The following ARL2BP variants were observed in gnomAD, a reference collection of about 807,000 sequenced individuals.
ARL2BP encodes ADP-ribosylation factor-like protein 2-binding protein.
A neutral mutation model predicts 24.2 loss-of-function variants in ARL2BP; 19 were observed. The observed-to-expected ratio is 0.79, with a 90% CI of 0.55 to 1.15. ARL2BP has a LOEUF of 1.15. Ranked by LOEUF, ARL2BP falls within the 50% of genes most tolerant of loss-of-function variation. The pLI is 0.00. For missense variants in ARL2BP, 160 were observed against 190.4 expected (o/e 0.84, Z 0.94); for synonymous variants, 56 against 70.5 (o/e 0.79, Z 1.03).
chr16:57,246,262 A>G (rs2075390205), intron 2 of ARL2BP, 121 bp downstream of exon 2: 8 of 907,124 alleles, frequency 8.8e-6, no homozygotes, highest in African/African-American at 5.0e-5. Context: ...TTAATGTAGC[A>G]CAATGTAATA....
intron 2 of ARL2BP, chr16:57,248,311 CAAAAAAA>C (rs1161528446): frequency 0.017 from 854 of 49,220 alleles, 3 homozygotes; most frequent in African/African-American, 0.034. Flanking sequence ...AACTCCAGCT[CAAAAAAA>C]AAAAAAAAAA....
rs1597951130 is a variant in ARL2BP at position 57,245,309 on chromosome 16, C to G, written c.-59C>G. ...AGAGGCCTTAACCCCGCCGGGCGGC[C>G]GCGCCCTGCATGCGAGTTGGGCCGC... On this transcript the variant is annotated 5_prime_UTR_variant, in exon 1 of 6. Coordinates refer to ENST00000219204, the MANE Select transcript of ARL2BP (RefSeq NM_012106.4). 6 of 1,575,120 alleles carry G rather than the reference C, an allele frequency of 3.8e-6. No homozygotes were observed. Among genetic ancestry groups the G allele is most frequent in the Middle Eastern group, 4.0e-4 (2 of 4,980 alleles).
chr16:57,245,296 C>T lies in ARL2BP; in HGVS notation c.-72C>T. 6.4e-7 allele frequency: 1 copy of T among 1,557,220 alleles called. No homozygotes were observed. The highest frequency in any genetic ancestry group is 8.7e-7 in the Non-Finnish European group (1 of 1,149,264). On this transcript the variant is annotated 5_prime_UTR_variant, in exon 1 of 6. Transcript: ENST00000219204. ...GCGGCCTTGGCTGAGAGGCCTTAAC[C>T]CCGCCGGGCGGCCGCGCCCTGCATG...
chr16:57,246,471 TA>T (rs2075390773), intron 2 of ARL2BP: 1 of 218,440 alleles, frequency 4.6e-6, no homozygotes, highest in African/African-American at 2.3e-5. Flanking sequence ...ATTTCAATTT[TA>T]GATAGTTTTG....
chr16:57,248,629 A>G lies in ARL2BP; in HGVS notation c.193A>G (p.Ile65Val). 6.3e-7 allele frequency: 1 copy of G among 1,576,578 alleles called. No individual in the cohort carries two copies. The highest frequency in any genetic ancestry group is 2.3e-5 in the East Asian group (1 of 43,502). Residue 65 changes from isoleucine to valine, a missense_variant, in exon 3 of 6, where the codon ATT becomes GTT. By Grantham distance (29) the Ile-to-Val change is conservative (BLOSUM62 3). Coordinates refer to ENST00000219204, the MANE Select transcript of ARL2BP (RefSeq NM_012106.4). ...TEENKLIYTP[I>V]FNEYISLVEK... Reference sequence around the variant, plus strand: ...AGAGAATAAACTCATCTACACACCTATTTTTAATGAATACGTAAGTAGATT... The same window carrying G: ...AGAGAATAAACTCATCTACACACCTGTTTTTAATGAATACGTAAGTAGATT...
chr16:57,253,488 T>C lies in ARL2BP; in HGVS notation c.*1221T>C, dbSNP rs1170091537. 6.6e-6 allele frequency: 1 copy of C among 152,042 alleles called. No homozygotes were observed. Among genetic ancestry groups the C allele is most frequent in the Non-Finnish European group, 1.5e-5 (1 of 68,006 alleles). The allele number at this position is 152,042 out of a possible 1,614,324, so 9.4% of individuals were successfully genotyped here. A position where few individuals can be genotyped will look rare whatever the true frequency, so the allele number is the denominator to read the frequency against. ...GATTTTTTTTTTTTAATAGTAAAAA[T>C]AAGAATCTGTACTGACTTTTCACTT... is the stretch of plus-strand genomic sequence containing the variant. On this transcript the variant is annotated 3_prime_UTR_variant, in exon 6 of 6. Coordinates refer to ENST00000219204, the MANE Select transcript of ARL2BP (RefSeq NM_012106.4).
intron 3 of ARL2BP, 128 bp downstream of exon 3, chr16:57,248,771 A>G (rs2075398635): frequency 2.0e-6 from 1 of 495,608 alleles, no homozygotes; most frequent in Admixed American, 4.1e-5. Context: ...AATCCTCATT[A>G]GCATCTGGTT....
intron 2 of ARL2BP, among the ~76,000 whole-genome samples, chr16:57,246,641 A>G (rs2075391358): frequency 6.6e-6 from 1 of 152,112 alleles, no homozygotes; most frequent in African/African-American, 2.4e-5. Flanking sequence ...TCTCTACTAA[A>G]AATACAAAAA....
At position 57,252,575 on chromosome 16, in the gene ARL2BP, C is replaced by A. The variant is rs1212482276; in HGVS notation, c.*308C>A. 2 of 405,638 alleles carry A rather than the reference C, an allele frequency of 4.9e-6. No homozygotes were observed. The highest frequency in any genetic ancestry group is 8.1e-5 in the Admixed American group (2 of 24,808). 25.1% of individuals were successfully genotyped at this position (405,638 alleles called of 1,614,324 possible). ...GGCACTCCACCTGGGGGGCCCTTCC[C>A]CAGCATACCTGCTGGTGTGTAAGTG... On this transcript the variant is annotated 3_prime_UTR_variant, in exon 6 of 6. Transcript: ENST00000219204.
At position 57,252,284 on chromosome 16, in the gene ARL2BP, A is replaced by T. The variant is rs202195744; in HGVS notation, c.*17A>T. ...CGGCACTAGGTCCTACCTCCAGCCA[A>T]TGAATGGGATCATTCTGGATGTCAC... On this transcript the variant is annotated 3_prime_UTR_variant, in exon 6 of 6. Transcript: ENST00000219204. 44 of 1,614,240 alleles carry T rather than the reference A, an allele frequency of 2.7e-5. No homozygotes were observed. The African/African-American group carries it at 4.3e-4, about 16-fold the overall frequency.
chr16:57,246,096 G>A lies in ARL2BP; in HGVS notation c.55G>A (p.Ala19Thr). Reference sequence around the variant, plus strand: ...GTTTTTCAGCTCCTCCGCCTCTGATGCAGAATTTGATGCTGTGGTTGGATA... The same window carrying A: ...GTTTTTCAGCTCCTCCGCCTCTGATACAGAATTTGATGCTGTGGTTGGATA... ...FALSFSSASD[A>T]EFDAVVGYLE... The change falls in exon 2 of 6, where the codon GCA becomes ACA. Residue 19 changes from alanine to threonine, a missense_variant. Ala to Thr is a moderately conservative substitution (Grantham distance 58, BLOSUM62 0). Coordinates refer to ENST00000219204, the MANE Select transcript of ARL2BP (RefSeq NM_012106.4). The A allele has an allele frequency of 6.2e-7, 1 of 1,614,154 alleles. No homozygotes were observed. Among genetic ancestry groups the A allele is most frequent in the Non-Finnish European group, 8.5e-7 (1 of 1,180,030 alleles).
intron 2 of ARL2BP, 118 bp downstream of exon 2, chr16:57,246,259 A>G: frequency 1.0e-6 from 1 of 965,370 alleles, no homozygotes; most frequent in Non-Finnish European, 1.6e-6. Context: ...TTTTTAATGT[A>G]GCACAATGTA....
At chr16:57,249,742 A>T (rs757026128) in intron 3 of ARL2BP, 25 bp from the exon 4 acceptor site, 2 of 1,600,640 alleles carry the variant, frequency 1.2e-6, no homozygotes, top group Non-Finnish European at 1.7e-6. Context: ...GTATGGTCTC[A>T]CCAAAATCCT....
intron 5 of ARL2BP, chr16:57,251,058 C>T (rs62038966): frequency 1.1e-3 from 164 of 152,754 alleles, no homozygotes; most frequent in African/African-American, 3.7e-3. Flanking sequence ...CGTGAGCCAC[C>T]GCACCTGGCC....
Position 57,248,561 on chromosome 16 carries a change from G to T in ARL2BP, c.125G>T (p.Arg42Ile). ...IMDDEFQLLQRNFMDKYYLEF... is the reference protein window; with the variant it reads ...IMDDEFQLLQINFMDKYYLEF... ...GATGACGAGTTCCAGTTATTACAGAGAAATTTCATGGACAAGTACTACCTG... is the reference window on the plus strand; with the variant it reads ...GATGACGAGTTCCAGTTATTACAGATAAATTTCATGGACAAGTACTACCTG... Residue 42 changes from arginine to isoleucine, a missense_variant, in exon 3 of 6, where the codon AGA (arginine) becomes ATA (isoleucine). Arg to Ile is a moderately conservative substitution (Grantham distance 97). Coordinates refer to ENST00000219204, the MANE Select transcript of ARL2BP (RefSeq NM_012106.4). 6.2e-7 allele frequency: 1 copy of T among 1,603,814 alleles called. No individual in the cohort carries two copies.
intron 2 of ARL2BP, chr16:57,247,528 A>C (rs961407572): frequency 6.6e-6 from 1 of 152,124 alleles, no homozygotes; most frequent in Non-Finnish European, 1.5e-5. Flanking sequence ...TCAATTAAAA[A>C]AAAAAAATTC....
Position 57,248,428 on chromosome 16 carries a change from G to A in ARL2BP, c.101-109G>A, listed in dbSNP as rs534372884. On this transcript the variant is annotated intron_variant, in intron 2 of 5. Transcript: ENST00000219204. ...TTAAAACATCAGCTTTCCTTCCAGA[G>A]ACTGATCATTGAGAAAGCAGTACTG... is the stretch of plus-strand genomic sequence containing the variant. The A allele has an allele frequency of 1.7e-5, 10 of 574,248 alleles. No homozygotes were observed. In the East Asian group the frequency reaches 2.8e-4, roughly 16 times the overall value. 35.6% of individuals were successfully genotyped at this position (574,248 alleles called of 1,614,324 possible). A position where few individuals can be genotyped will look rare whatever the true frequency, so the allele number is the denominator to read the frequency against.
At chr16:57,247,556 A>G (rs1403197440) in intron 2 of ARL2BP, 2 of 152,148 alleles carry the variant, frequency 1.3e-5, no homozygotes, top group Non-Finnish European at 2.9e-5. Flanking sequence ...CCTATCATTT[A>G]TTAAGTGTTC....
At chr16:57,247,257 G>C (rs1453462761) in intron 2 of ARL2BP, 2 of 152,166 alleles carry the variant, frequency 1.3e-5, no homozygotes, top group African/African-American at 4.8e-5. Flanking sequence ...AATCCATTCA[G>C]TTCTCTTGCC....
Sources: allele counts gnomAD v4.1 joint callset (sites outside exome capture counted in the v4.1 genomes callset), GRCh38; gene constraint gnomAD v4.1.1; transcripts MANE v1.5; gene names NCBI Gene and HGNC (gene_info 2026-07-23, HGNC 2026-07-21).